The following ADSL variants were observed in gnomAD, a reference collection of about 807,000 sequenced individuals.
The protein encoded by ADSL is adenylosuccinate lyase, also known as adenylosuccinase.
A neutral mutation model predicts 62.1 loss-of-function variants in ADSL; 44 were observed. The observed-to-expected ratio is 0.71, with a 90% CI of 0.56 to 0.91. ADSL has a LOEUF of 0.91. ADSL is among the 40% of genes least tolerant of loss of function. The pLI is 0.00. For synonymous variants in ADSL, 198 were observed against 220.5 expected (o/e 0.90, Z 0.90); for missense variants, 531 against 627.4 (o/e 0.85, Z 1.64).
chr22:40,361,670 G>C (rs1417175929), intron 9 of ADSL, 35 bp downstream of exon 9: 4 of 1,608,548 alleles, frequency 2.5e-6, no homozygotes, highest in Admixed American at 3.3e-5. Context: ...ACACCAAGTT[G>C]AGTGGAGGTC....
At chr22:40,372,025 T>A (rs1031937415), downstream of ADSL, among the ~76,000 whole-genome samples, 4 of 151,392 alleles carry the variant, frequency 2.6e-5, no homozygotes, top group Admixed American at 6.6e-5. Flanking sequence ...TCTATAGATA[T>A]CTTTCCTGGC....
At chr22:40,353,922 G>A (rs978130226) in intron 3 of ADSL, 3 of 409,550 alleles carry the variant, frequency 7.3e-6, no homozygotes, top group African/African-American at 2.0e-5. Context: ...CACCGCGCCC[G>A]GCCCAAGCAT....
At chr22:40,347,724 T>A (rs2044195275) in intron 1 of ADSL, among the ~76,000 whole-genome samples, 1 of 152,226 alleles carries the variant, frequency 6.6e-6, no homozygotes, top group Non-Finnish European at 1.5e-5. Flanking sequence ...ACCCAGGTCT[T>A]AACCCTTTAC....
chr22:40,355,185 G>A (rs977628224), intron 4 of ADSL, among the ~76,000 whole-genome samples: 1 of 152,156 alleles, frequency 6.6e-6, no homozygotes, highest in African/African-American at 2.4e-5. Context: ...TGCCCAGGCT[G>A]GAGTGCAGTG....
chr22:40,371,705 A>G (rs1390185863), downstream of ADSL, among the ~76,000 whole-genome samples: 1 of 144,756 alleles, frequency 6.9e-6, no homozygotes, highest in East Asian at 2.0e-4. Flanking sequence ...TTTCTTTTCT[A>G]TTTTTTTTTT....
chr22:40,375,313 C>T (rs1318831986), intron 2 of ADSL, among the ~76,000 whole-genome samples: 1 of 152,196 alleles, frequency 6.6e-6, no homozygotes, highest in Non-Finnish European at 1.5e-5. Flanking sequence ...GTTGTGGTGG[C>T]TCACGCCTGT....
chr22:40,362,999 G>A lies in ADSL; in HGVS notation c.1029G>A (p.Glu343=), dbSNP rs759459022. 8 of 1,614,098 alleles carry A rather than the reference G, an allele frequency of 5.0e-6. No individual in the cohort carries two copies. The highest frequency in any genetic ancestry group is 6.8e-6 in the Non-Finnish European group (8 of 1,179,982). ...TTTCTAGACGGATCTGTTTGGCCGA[G>A]GCATTTCTTACCGCAGATACTATAT... is the stretch of plus-strand genomic sequence containing the variant. The part of the protein sequence containing the change: ...DSANRRICLA[E]AFLTADTILN... The change falls in exon 10 of 13, where the codon GAG becomes GAA. Residue 343 remains glutamate, a synonymous_variant. Coordinates refer to ENST00000623063, the MANE Select transcript of ADSL (RefSeq NM_000026.4).
chr22:40,378,586 A>T (rs558663149), intron 2 of ADSL, among the ~76,000 whole-genome samples: 43 of 150,842 alleles, frequency 2.9e-4, no homozygotes, highest in Non-Finnish European at 5.8e-4. Flanking sequence ...ACAAAAAATT[A>T]GCCGGGTGTG....
intron 4 of ADSL, 113 bp downstream of exon 4, chr22:40,354,440 ATAAG>A (rs2044472006): frequency 1.1e-6 from 1 of 882,784 alleles, no homozygotes; most frequent in African/African-American, 1.6e-5. Context: ...TGATTTAAAT[ATAAG>A]TAATTTGGGA....
chr22:40,373,152 T>A (rs1250087807), downstream of ADSL, among the ~76,000 whole-genome samples: 1 of 152,226 alleles, frequency 6.6e-6, no homozygotes, highest in Non-Finnish European at 1.5e-5. Context: ...CAGACACTAG[T>A]TGTCACAGGT....
At chr22:40,384,239 T>C (rs1220087682) in intron 2 of ADSL, among the ~76,000 whole-genome samples, 1 of 151,586 alleles carries the variant, frequency 6.6e-6, no homozygotes. Flanking sequence ...CAAAACCCTG[T>C]CTCTAACAAC....
intron 2 of ADSL, among the ~76,000 whole-genome samples, chr22:40,352,832 TTATAAG>T (rs2044400932): frequency 1.3e-5 from 2 of 152,168 alleles, no homozygotes; most frequent in Admixed American, 1.3e-4. Flanking sequence ...ACCTTGGGCT[TTATAAG>T]TATAAAGGTT....
intron 4 of ADSL, among the ~76,000 whole-genome samples, chr22:40,355,913 G>A (rs527946415): frequency 2.6e-4 from 40 of 152,118 alleles, no homozygotes; most frequent in African/African-American, 9.6e-4. Flanking sequence ...GGGTCCAGGT[G>A]CAGTGGCTCA....
intron 2 of ADSL, 29 bp from the exon 3 acceptor site, chr22:40,353,044 A>G: frequency 6.2e-7 from 1 of 1,603,500 alleles, no homozygotes; most frequent in African/African-American, 1.3e-5. Flanking sequence ...AAGCTGCTAA[A>G]TATAAGATCA....
chr22:40,347,007 C>A (rs1362926865), intron 1 of ADSL, among the ~76,000 whole-genome samples: 5 of 152,224 alleles, frequency 3.3e-5, no homozygotes, highest in African/African-American at 1.2e-4. Flanking sequence ...CGCAGGAGTA[C>A]GCTGCTAACC....
rs1285781776 is a variant in ADSL, at chr22:40,369,053, A to T, written c.*2531A>T. The T allele has an allele frequency of 6.6e-6, 1 of 152,240 alleles. No individual in the cohort carries two copies. Among genetic ancestry groups the T allele is most frequent in the Non-Finnish European group, 1.5e-5 (1 of 68,048 alleles). The allele number at this position is 152,240 out of a possible 1,614,324, so 9.4% of individuals were successfully genotyped here. On this transcript the variant is annotated 3_prime_UTR_variant, in exon 13 of 13. Transcript: ENST00000623063. ...GGGCAACTTGGAGGCAGCAACTACT[A>T]TCAGTTTATCTGTAATGTGAGAATT...
intron 4 of ADSL, among the ~76,000 whole-genome samples, chr22:40,356,314 A>T (rs971913852): frequency 1.3e-5 from 2 of 152,032 alleles, no homozygotes; most frequent in Non-Finnish European, 2.9e-5. Flanking sequence ...AGGCAGGTGG[A>T]TCACGAGGTC....
At chr22:40,348,491 C>T in intron 1 of ADSL, 1 of 398,626 alleles carries the variant, frequency 2.5e-6, no homozygotes, top group Non-Finnish European at 4.4e-6. Context: ...TCAAGCTGTC[C>T]TCTCACCTCA....
downstream of ADSL, among the ~76,000 whole-genome samples, chr22:40,371,040 TA>T (rs1438861458): frequency 1.3e-5 from 2 of 152,222 alleles, no homozygotes; most frequent in Non-Finnish European, 2.9e-5. Context: ...GGGGGCTTTC[TA>T]AAAAGAGCCT....
Sources: allele counts gnomAD v4.1 joint callset (sites outside exome capture counted in the v4.1 genomes callset), GRCh38; gene constraint gnomAD v4.1.1; transcripts MANE v1.5; gene names NCBI Gene and HGNC (gene_info 2026-07-23, HGNC 2026-07-21).